The following CAMK2A variants were observed in gnomAD, a reference collection of about 807,000 sequenced individuals.
CAMK2A encodes the protein calcium/calmodulin dependent protein kinase II alpha.
A neutral mutation model predicts 79.2 loss-of-function variants in CAMK2A; 7 were observed. That is an observed-to-expected ratio of 0.09 (90% CI 0.05 to 0.17). The LOEUF (loss-of-function observed/expected upper bound fraction) is 0.17. CAMK2A is among the 10% of genes least tolerant of loss of function. The pLI is 1.00. For missense variants in CAMK2A, 214 were observed against 646.4 expected (o/e 0.33, Z 7.25); for synonymous variants, 242 against 251.7 (o/e 0.96, Z 0.36).
At chr5:150,261,558 G>A in intron 3 of CAMK2A, among the ~76,000 whole-genome samples, 1 of 152,200 alleles carries the variant, frequency 6.6e-6, no homozygotes, top group East Asian at 1.9e-4. Flanking sequence ...TATGTGGCTT[G>A]ATTCATGCAC....
chr5:150,243,597 T>G (rs1252758509), intron 13 of CAMK2A, among the ~76,000 whole-genome samples: 1 of 152,212 alleles, frequency 6.6e-6, no homozygotes, highest in Admixed American at 6.5e-5. Context: ...TCAAATATTC[T>G]TGAGAAAACT....
chr5:150,229,981 C>T (rs1754769468), intron 16 of CAMK2A, among the ~76,000 whole-genome samples: 2 of 152,114 alleles, frequency 1.3e-5, no homozygotes, highest in Admixed American at 6.6e-5. Context: ...TTCTAGGGGG[C>T]TTTGCCACCT....
At chr5:150,228,769 T>C (rs1754716073) in intron 16 of CAMK2A, among the ~76,000 whole-genome samples, 1 of 152,190 alleles carries the variant, frequency 6.6e-6, no homozygotes, top group African/African-American at 2.4e-5. Context: ...GCCAGGTATA[T>C]ACCTGGAAGG....
intron 2 of CAMK2A, among the ~76,000 whole-genome samples, chr5:150,270,547 A>G (rs1357988641): frequency 6.6e-6 from 1 of 152,216 alleles, no homozygotes; most frequent in Non-Finnish European, 1.5e-5. Context: ...GAGCACCAGC[A>G]GGAGATGCTT....
At chr5:150,266,306 C>T (rs967503496) in intron 2 of CAMK2A, among the ~76,000 whole-genome samples, 12 of 152,194 alleles carry the variant, frequency 7.9e-5, no homozygotes, top group East Asian at 1.9e-4. Flanking sequence ...GGGACCACCA[C>T]TCTCCCCATT....
intron 1 of CAMK2A, among the ~76,000 whole-genome samples, chr5:150,279,294 G>A (rs767193714): frequency 7.9e-5 from 12 of 152,126 alleles, no homozygotes; most frequent in East Asian, 5.8e-4. Context: ...ATTGGAGAGC[G>A]CGGTTCAACA....
intron 3 of CAMK2A, among the ~76,000 whole-genome samples, chr5:150,259,198 A>C (rs562975706): frequency 1.9e-4 from 29 of 151,786 alleles, no homozygotes; most frequent in African/African-American, 7.0e-4. Flanking sequence ...AAAAACTAAA[A>C]TAAAATAAGA....
At chr5:150,287,961 G>A (rs1470717778) in intron 1 of CAMK2A, among the ~76,000 whole-genome samples, 1 of 151,700 alleles carries the variant, frequency 6.6e-6, no homozygotes, top group African/African-American at 2.4e-5. Flanking sequence ...GTGTGTGTGT[G>A]TGTGTGTGTG....
chr5:150,222,493 G>C lies in CAMK2A; in HGVS notation c.*217C>G. On this transcript the variant is annotated 3_prime_UTR_variant, in exon 19 of 19. Coordinates refer to ENST00000671881, the MANE Select transcript of CAMK2A (RefSeq NM_015981.4). ...AAGCCCCAGCCTGGCAGGGGAGAGGGTGGGGGTGAGAGGTGGGGAGATGTG... is the reference window on the plus strand; with the variant it reads ...AAGCCCCAGCCTGGCAGGGGAGAGGCTGGGGGTGAGAGGTGGGGAGATGTG... The C allele has an allele frequency of 7.1e-6, 5 of 705,866 alleles. No homozygotes were observed. The highest frequency in any genetic ancestry group is 1.3e-5 in the Non-Finnish European group (5 of 387,544). The allele number at this position is 705,866 out of a possible 1,614,324, so 43.7% of individuals were successfully genotyped here. A position where few individuals can be genotyped will look rare whatever the true frequency, so the allele number is the denominator to read the frequency against.
At chr5:150,283,562 A>G (rs951636922) in intron 1 of CAMK2A, among the ~76,000 whole-genome samples, 2 of 152,092 alleles carry the variant, frequency 1.3e-5, no homozygotes, top group South Asian at 4.1e-4. Flanking sequence ...ACTCTTATTC[A>G]GCCTCCAGCT....
chr5:150,280,359 A>G (rs1282528798), intron 1 of CAMK2A, among the ~76,000 whole-genome samples: 1 of 152,000 alleles, frequency 6.6e-6, no homozygotes, highest in Non-Finnish European at 1.5e-5. Flanking sequence ...CTCTTCATTG[A>G]CTGTTTCCTC....
Position 150,222,542 on chromosome 5 carries a change from G to C in CAMK2A, c.*168C>G, listed in dbSNP as rs1408002245. ...TGGCCGTTCGCTCTGAAGTTGCGAT[G>C]ACTTTTGTGAACAAGCAGGTTTTCT... On this transcript the variant is annotated 3_prime_UTR_variant, in exon 19 of 19. Transcript: ENST00000671881. 1 of 772,414 alleles carries C rather than the reference G, an allele frequency of 1.3e-6. No homozygotes were observed. Among genetic ancestry groups the C allele is most frequent in the African/African-American group, 1.7e-5 (1 of 58,592 alleles). The allele number at this position is 772,414 out of a possible 1,614,324, so 47.8% of individuals were successfully genotyped here.
chr5:150,278,746 G>T (rs749248855), intron 1 of CAMK2A, among the ~76,000 whole-genome samples: 26 of 152,260 alleles, frequency 1.7e-4, no homozygotes, highest in Non-Finnish European at 3.7e-4. Flanking sequence ...GAGGGGTGGG[G>T]GAAGTGTTCC....
rs76884529 is a variant in CAMK2A, at chr5:150,288,678, C to A, written c.62+886G>T. On this transcript the variant is annotated intron_variant, in intron 1 of 18. Transcript: ENST00000671881. ...TCCTTTGCCCACAAGGCAAACTCTG[C>A]CTCCAAAATGCACCCAACCCTTGAC... Among the ~76,000 whole-genome samples, 277 of 152,274 alleles carry A rather than the reference C, an allele frequency of 1.8e-3. 1 individual carries two copies. The highest frequency in any genetic ancestry group is 6.5e-3 in the African/African-American group (270 of 41,546).
chr5:150,290,025 G>A (rs1580967567), upstream of CAMK2A: 3 of 180,464 alleles, frequency 1.7e-5, no homozygotes, highest in East Asian at 4.2e-4. Context: ...GGGCCTGGAG[G>A]AGGTGGAATA....
At chr5:150,245,898 T>G (rs1035160526) in intron 12 of CAMK2A, among the ~76,000 whole-genome samples, 1 of 152,122 alleles carries the variant, frequency 6.6e-6, no homozygotes, top group African/African-American at 2.4e-5. Context: ...CCTCCTCACC[T>G]CCTGGCCAGA....
rs1316304081 is a variant in CAMK2A at position 150,220,520 on chromosome 5, G to A, written c.*2190C>T. On this transcript the variant is annotated 3_prime_UTR_variant, in exon 19 of 19. Transcript: ENST00000671881. ...CCCTTTTAACCAATGAGGGAACTGAGGCTGAAGAAGAGCTCAGACCTTGCT... is the reference window on the plus strand; with the variant it reads ...CCCTTTTAACCAATGAGGGAACTGAAGCTGAAGAAGAGCTCAGACCTTGCT... The A allele has an allele frequency of 6.6e-6, 1 of 152,368 alleles. No homozygotes were observed. The highest frequency in any genetic ancestry group is 1.5e-5 in the Non-Finnish European group (1 of 68,054). 9.4% of individuals were successfully genotyped at this position (152,368 alleles called of 1,614,324 possible).
intron 13 of CAMK2A, among the ~76,000 whole-genome samples, chr5:150,244,786 C>T (rs1038716910): frequency 2.0e-5 from 3 of 152,152 alleles, no homozygotes; most frequent in Non-Finnish European, 2.9e-5. Flanking sequence ...ATAGGCAGGA[C>T]GGAGGTCACC....
chr5:150,222,473 C>T lies in CAMK2A; in HGVS notation c.*237G>A, dbSNP rs960130874. ...GTGGACACCCATGCCTGAGGAAGCC[C>T]CAGCCTGGCAGGGGAGAGGGTGGGG... On this transcript the variant is annotated 3_prime_UTR_variant, in exon 19 of 19. Coordinates refer to ENST00000671881, the MANE Select transcript of CAMK2A (RefSeq NM_015981.4). 1.4e-6 allele frequency: 1 copy of T among 703,014 alleles called. No individual in the cohort carries two copies. Among genetic ancestry groups the T allele is most frequent in the Non-Finnish European group, 2.6e-6 (1 of 385,414 alleles). The allele number at this position is 703,014 out of a possible 1,614,324, so 43.5% of individuals were successfully genotyped here.
Sources: gnomAD v4.1 joint callset for allele counts (sites outside exome capture counted in the v4.1 genomes callset) on GRCh38, gnomAD v4.1.1 for gene constraint, MANE v1.5 for transcripts, NCBI Gene and HGNC (gene_info 2026-07-23, HGNC 2026-07-21) for gene names.